The following SMYD3 variants were observed in gnomAD, a reference collection of about 807,000 sequenced individuals.
SMYD3 encodes histone-lysine N-methyltransferase SMYD3.
Under a neutral mutation model 57.7 loss-of-function variants are expected in SMYD3, and 36 were observed. The ratio of observed to expected loss-of-function variants is 0.62; its 90% confidence interval spans 0.48 to 0.82. The LOEUF is 0.82. SMYD3 is among the 40% of genes least tolerant of loss of function. The probability of loss-of-function intolerance (pLI) is 0.00; values close to 1 mark genes in which losing one functional copy is unlikely to be tolerated. For missense variants in SMYD3, 515 were observed against 538.8 expected (o/e 0.96, Z 0.44); for synonymous variants, 211 against 195.0 (o/e 1.08, Z -0.68).
chr1:245,830,592 CTA>C (rs1173129787), intron 10 of SMYD3, among the ~76,000 whole-genome samples: 1 of 152,178 alleles, frequency 6.6e-6, no homozygotes, highest in Non-Finnish European at 1.5e-5. Context: ...TTCTGTAACT[CTA>C]TAGAGAATAC....
At chr1:245,900,829 C>A (rs575864083) in intron 8 of SMYD3, among the ~76,000 whole-genome samples, 18 of 152,310 alleles carry the variant, frequency 1.2e-4, no homozygotes, top group African/African-American at 4.3e-4. Context: ...TCATTTCCAA[C>A]CAAGGATGCT....
chr1:245,930,406 C>T (rs1282493508), intron 5 of SMYD3: 4 of 333,486 alleles, frequency 1.2e-5, no homozygotes, highest in East Asian at 1.6e-4. Context: ...CGAAGTATCC[C>T]GTGACTGAGC....
intron 5 of SMYD3, among the ~76,000 whole-genome samples, chr1:246,089,054 G>C (rs2060776270): frequency 6.6e-6 from 1 of 152,182 alleles, no homozygotes; most frequent in East Asian, 1.9e-4. Context: ...CGTAAACACG[G>C]CTCACTGTGG....
At chr1:246,254,862 T>C (rs1572286089) in intron 5 of SMYD3, among the ~76,000 whole-genome samples, 1 of 152,204 alleles carries the variant, frequency 6.6e-6, no homozygotes, top group East Asian at 1.9e-4. Context: ...GTTAGATGTA[T>C]TCCTAGGTGT....
intron 1 of SMYD3, among the ~76,000 whole-genome samples, chr1:246,413,631 T>TC (rs1399637980): frequency 6.6e-6 from 1 of 152,054 alleles, no homozygotes; most frequent in Non-Finnish European, 1.5e-5. Context: ...TACGCTCATT[T>TC]CAAAGTGTAT....
At chr1:246,134,014 C>T (rs1252958157) in intron 5 of SMYD3, among the ~76,000 whole-genome samples, 1 of 152,060 alleles carries the variant, frequency 6.6e-6, no homozygotes, top group African/African-American at 2.4e-5. Context: ...ACCAGAAGAA[C>T]CTATTTCCAT....
intron 5 of SMYD3, among the ~76,000 whole-genome samples, chr1:246,279,579 T>C (rs2064404520): frequency 1.3e-5 from 2 of 152,190 alleles, no homozygotes; most frequent in Admixed American, 6.5e-5. Context: ...TGCATGGGGT[T>C]CTACTCTACA....
chr1:245,752,831 C>A (rs532312371), intron 11 of SMYD3, among the ~76,000 whole-genome samples: 2 of 152,304 alleles, frequency 1.3e-5, no homozygotes, highest in East Asian at 3.9e-4. Context: ...TAGTCCAATA[C>A]CCTCATGTTA....
chr1:245,803,971 T>G (rs1490460056), intron 10 of SMYD3, among the ~76,000 whole-genome samples: 1 of 145,706 alleles, frequency 6.9e-6, no homozygotes, highest in Non-Finnish European at 1.5e-5. Flanking sequence ...TGGAGTGGAG[T>G]GGCACAATCT....
chr1:246,428,456 C>A (rs1294492548), intron 1 of SMYD3, among the ~76,000 whole-genome samples: 1 of 152,206 alleles, frequency 6.6e-6, no homozygotes, highest in Non-Finnish European at 1.5e-5. Flanking sequence ...ACAGTAACAA[C>A]AGCAAATACT....
At chr1:245,795,225 C>T (rs2047473108) in intron 10 of SMYD3, among the ~76,000 whole-genome samples, 1 of 152,204 alleles carries the variant, frequency 6.6e-6, no homozygotes, top group Non-Finnish European at 1.5e-5. Flanking sequence ...TTGGCTCAGG[C>T]CCTGGTCAGG....
intron 2 of SMYD3, among the ~76,000 whole-genome samples, chr1:246,348,675 T>C (rs938546479): frequency 9.9e-5 from 15 of 152,088 alleles, no homozygotes; most frequent in African/African-American, 3.4e-4. Flanking sequence ...GGGTGACAGG[T>C]TCAATCATAC....
At chr1:246,014,235 T>C (rs549787835) in intron 5 of SMYD3, among the ~76,000 whole-genome samples, 1 of 152,152 alleles carries the variant, frequency 6.6e-6, no homozygotes, top group Non-Finnish European at 1.5e-5. Context: ...GGCAGGAGAA[T>C]TGCTTGAGCC....
intron 10 of SMYD3, among the ~76,000 whole-genome samples, chr1:245,793,477 G>C (rs1434528915): frequency 6.6e-6 from 1 of 152,016 alleles, no homozygotes; most frequent in Non-Finnish European, 1.5e-5. Context: ...CCAAGGCTCC[G>C]GCTTGCTTCG....
intron 1 of SMYD3, among the ~76,000 whole-genome samples, chr1:246,421,379 C>G (rs1239466735): frequency 1.3e-5 from 2 of 151,642 alleles, no homozygotes; most frequent in African/African-American, 4.8e-5. Flanking sequence ...ATAAAAAGAT[C>G]TCAAGACCCC....
At position 245,824,383 on chromosome 1, in the gene SMYD3, T is replaced by C. The variant is rs1186665893; in HGVS notation, c.1076+34113A>G. Among the ~76,000 whole-genome samples, 8 of 152,336 alleles carry C rather than the reference T, an allele frequency of 5.3e-5. No homozygotes were observed. In the East Asian group the frequency reaches 1.2e-3, roughly 22 times the overall value. Reference sequence around the variant, plus strand: ...TGAAACGACACATGAAAGGAAGGCATTGTTTTCTCAACCAAGCCAAGTACT... The same window carrying C: ...TGAAACGACACATGAAAGGAAGGCACTGTTTTCTCAACCAAGCCAAGTACT... On this transcript the variant is annotated intron_variant, in intron 10 of 11. Coordinates refer to ENST00000490107, the MANE Select transcript of SMYD3 (RefSeq NM_001167740.2).
intron 5 of SMYD3, among the ~76,000 whole-genome samples, chr1:246,315,227 T>A (rs1048198067): frequency 1.3e-5 from 2 of 152,202 alleles, no homozygotes; most frequent in Non-Finnish European, 2.9e-5. Flanking sequence ...TGACCTATTT[T>A]CATGAAATTT....
rs574793122 is a variant in SMYD3 at position 246,460,694 on chromosome 1, A to AT, written c.164+46359dup. On this transcript the variant is annotated intron_variant, in intron 1 of 11. Transcript: ENST00000490107. The stretch of plus-strand genomic sequence containing the variant: ...AGTGTTTTAATAAAAAATAATTTCA[A>AT]TTGGTGTTTTCCTAGTTTATGTTGA... Among the ~76,000 whole-genome samples the AT allele has an allele frequency of 4.0e-3, 616 of 152,332 alleles. 5 individuals carry two copies. Among genetic ancestry groups the AT allele is most frequent in the African/African-American group, 0.014 (591 of 41,582 alleles).
chr1:246,353,244 C>T (rs553081520), intron 2 of SMYD3, among the ~76,000 whole-genome samples: 16 of 152,236 alleles, frequency 1.1e-4, no homozygotes, highest in African/African-American at 3.4e-4. Flanking sequence ...AAGTGTTATA[C>T]TGGCTGGGCA....
Sources: allele counts gnomAD v4.1 joint callset (sites outside exome capture counted in the v4.1 genomes callset), GRCh38; gene constraint gnomAD v4.1.1; transcripts MANE v1.5; gene names NCBI Gene and HGNC (gene_info 2026-07-23, HGNC 2026-07-21).